SPIDR: variants seen among roughly 807,000 people sequenced by gnomAD.
SPIDR encodes the protein scaffold protein involved in DNA repair, also known as DNA repair-scaffolding protein.
Under a neutral mutation model 104.6 loss-of-function variants are expected in SPIDR, and 93 were observed. That is an observed-to-expected ratio of 0.89 (90% confidence interval 0.75 to 1.06). SPIDR has a LOEUF of 1.06. Among genes scored for constraint, SPIDR ranks in the 50% least tolerant of loss-of-function variants. The pLI is 0.00. For missense variants in SPIDR, 1,154 were observed against 1,111.2 expected (o/e 1.04, Z -0.55); for synonymous variants, 431 against 416.9 (o/e 1.03, Z -0.41).
chr8:47,483,308 TA>T (rs2077130516), intron 8 of SPIDR, among the ~76,000 whole-genome samples: 1 of 152,210 alleles, frequency 6.6e-6, no homozygotes, highest in African/African-American at 2.4e-5. Context: ...CCATCCAGCT[TA>T]TATCAACTTT....
intron 8 of SPIDR, among the ~76,000 whole-genome samples, chr8:47,545,119 C>CTTTCTTTCTTTCTTTCT (rs1406970191): frequency 2.5e-4 from 6 of 23,938 alleles, no homozygotes; most frequent in African/African-American, 8.9e-4. Context: ...TTCTTTCTTT[C>CTTTCTTTCTTTCTTTCT]TTTTTTTTTT....
chr8:47,363,750 C>G (rs1554632260), intron 5 of SPIDR, among the ~76,000 whole-genome samples: 1 of 151,824 alleles, frequency 6.6e-6, no homozygotes, highest in African/African-American at 2.4e-5. Flanking sequence ...TACTACAGTT[C>G]AGTTTGGGGA....
chr8:47,713,656 C>A lies in SPIDR; in HGVS notation c.2341+15C>A. 6.2e-7 allele frequency: 1 copy of A among 1,613,682 alleles called. No homozygotes were observed. On this transcript the variant is annotated intron_variant, in intron 16 of 19. Coordinates refer to ENST00000297423, the MANE Select transcript of SPIDR (RefSeq NM_001080394.4). The stretch of plus-strand genomic sequence containing the variant: ...CAGTGTTCAAGGTAGGCAGCCATCT[C>A]ACAGGAATTGGTGCTTATACTTTCT...
In SPIDR at chr8:47,578,471, CA is replaced by C. The variant is rs142582965; in HGVS notation, c.1098-17330del. Among the ~76,000 whole-genome samples, 6 of 147,764 alleles carry C rather than the reference CA, an allele frequency of 4.1e-5. No homozygotes were observed. In the East Asian group the frequency reaches 5.9e-4, roughly 15 times the overall value. The stretch of plus-strand genomic sequence containing the variant: ...TGGGCAGCAGAGCGAGACTCCATCT[CA>C]AAAAAAAAATAATAATAATAATCAA... On this transcript the variant is annotated intron_variant, in intron 8 of 19. Coordinates refer to ENST00000297423, the MANE Select transcript of SPIDR (RefSeq NM_001080394.4).
At chr8:47,393,443 C>T (rs2060845348) in intron 5 of SPIDR, among the ~76,000 whole-genome samples, 1 of 152,114 alleles carries the variant, frequency 6.6e-6, no homozygotes, top group African/African-American at 2.4e-5. Flanking sequence ...GTCAATTCCA[C>T]ATTACCATCT....
rs1378580042 is a variant in SPIDR at position 47,721,307 on chromosome 8, C to T, written c.2342-5893C>T. Among the ~76,000 whole-genome samples, 2 of 151,978 alleles carry T rather than the reference C, an allele frequency of 1.3e-5. 1 individual carries two copies. Among genetic ancestry groups the T allele is most frequent in the African/African-American group, 4.8e-5 (2 of 41,454 alleles). On this transcript the variant is annotated intron_variant, in intron 16 of 19. Coordinates refer to ENST00000297423, the MANE Select transcript of SPIDR (RefSeq NM_001080394.4). ...ATCTATGTCTAGATTCATTTTTTTG[C>T]CTGTGGAAATCTAGTTGTTCTGGCA...
rs183408915 is a variant in SPIDR, at chr8:47,382,558, G to A, written c.526-13818G>A. ...CTCTGGAGTAGCTGGGACTACAGGA[G>A]TGCACCACCACACCCAGCCAATTTT... On this transcript the variant is annotated intron_variant, in intron 5 of 19. Coordinates refer to ENST00000297423, the MANE Select transcript of SPIDR (RefSeq NM_001080394.4). 3.9e-4 allele frequency among the ~76,000 whole-genome samples: 59 copies of A among 152,194 alleles called. 1 individual carries two copies. The highest frequency in any genetic ancestry group is 6.8e-3 in the Middle Eastern group (2 of 292).
chr8:47,506,696 A>G (rs1002610600), intron 8 of SPIDR, among the ~76,000 whole-genome samples: 42 of 152,222 alleles, frequency 2.8e-4, no homozygotes, highest in African/African-American at 8.9e-4. Context: ...AAAGTATCCA[A>G]ATGTATTACT....
chr8:47,269,458 A>G (rs1196551535), intron 1 of SPIDR, among the ~76,000 whole-genome samples: 1 of 151,334 alleles, frequency 6.6e-6, no homozygotes, highest in Non-Finnish European at 1.5e-5. Flanking sequence ...GGCTTTCACC[A>G]TGTTGGCCGG....
chr8:47,506,579 A>G (rs2081515447), intron 8 of SPIDR, among the ~76,000 whole-genome samples: 1 of 152,182 alleles, frequency 6.6e-6, no homozygotes, highest in Non-Finnish European at 1.5e-5. Context: ...ATTAGTTAAC[A>G]TGCATAAATA....
In SPIDR at chr8:47,549,614, G is replaced by A. The variant is rs187841803; in HGVS notation, c.1098-46197G>A. On this transcript the variant is annotated intron_variant, in intron 8 of 19. Coordinates refer to ENST00000297423, the MANE Select transcript of SPIDR (RefSeq NM_001080394.4). ...TATCCTTCACCCACTTTTTGATGGGGTTGTTTTTTCTTGTAAATTTGTTTG... is the reference window on the plus strand; with the variant it reads ...TATCCTTCACCCACTTTTTGATGGGATTGTTTTTTCTTGTAAATTTGTTTG... Among the ~76,000 whole-genome samples the A allele has an allele frequency of 3.1e-3, 472 of 152,006 alleles. 3 individuals carry two copies. The highest frequency in any genetic ancestry group is 0.011 in the African/African-American group (448 of 41,484).
At chr8:47,650,475 G>A (rs1056716356) in intron 10 of SPIDR, among the ~76,000 whole-genome samples, 3 of 152,094 alleles carry the variant, frequency 2.0e-5, no homozygotes, top group Non-Finnish European at 2.9e-5. Flanking sequence ...ATGTAAGCAC[G>A]TCTCGTCTCA....
chr8:47,700,921 G>T (rs1427417887), intron 12 of SPIDR, among the ~76,000 whole-genome samples: 1 of 152,182 alleles, frequency 6.6e-6, no homozygotes, highest in Non-Finnish European at 1.5e-5. Context: ...GTCCTGGGTA[G>T]CCAGGAACTT....
chr8:47,543,139 A>C (rs1179657826), intron 8 of SPIDR, among the ~76,000 whole-genome samples: 4 of 152,190 alleles, frequency 2.6e-5, no homozygotes, highest in African/African-American at 9.6e-5. Context: ...ATTTGTCTAC[A>C]GGTTTTTGTG....
intron 8 of SPIDR, among the ~76,000 whole-genome samples, chr8:47,533,992 A>G (rs1207951297): frequency 6.6e-6 from 1 of 152,166 alleles, no homozygotes; most frequent in Non-Finnish European, 1.5e-5. Context: ...CAAGGGCGGG[A>G]CCAGGTGGAG....
chr8:47,462,897 A>G (rs990269586), intron 8 of SPIDR, among the ~76,000 whole-genome samples: 4 of 152,316 alleles, frequency 2.6e-5, no homozygotes, highest in Non-Finnish European at 4.4e-5. Context: ...ATTTTACAGA[A>G]ATGAAAAGGA....
intron 10 of SPIDR, among the ~76,000 whole-genome samples, chr8:47,670,481 A>G (rs1020242216): frequency 6.6e-6 from 1 of 152,200 alleles, no homozygotes; most frequent in African/African-American, 2.4e-5. Flanking sequence ...CAAACTGCCC[A>G]TAAAGTTTGT....
chr8:47,668,278 G>T (rs1409833086), intron 10 of SPIDR, among the ~76,000 whole-genome samples: 1 of 152,040 alleles, frequency 6.6e-6, no homozygotes, highest in Non-Finnish European at 1.5e-5. Context: ...ATCATTAATA[G>T]ACCTAGAGAC....
chr8:47,418,297 G>A (rs9758414), intron 7 of SPIDR, among the ~76,000 whole-genome samples: 11 of 151,922 alleles, frequency 7.2e-5, no homozygotes, highest in African/African-American at 2.4e-4. Context: ...CTTTTATTTT[G>A]TTGAGCAGTG....
Sources: gnomAD v4.1 joint callset for allele counts (sites outside exome capture counted in the v4.1 genomes callset) on GRCh38, gnomAD v4.1.1 for gene constraint, MANE v1.5 for transcripts, NCBI Gene and HGNC (gene_info 2026-07-23, HGNC 2026-07-21) for gene names.